The following MID1 variants were observed in gnomAD, a reference collection of about 807,000 sequenced individuals.
The protein encoded by MID1 is midline 1, also known as E3 ubiquitin-protein ligase Midline-1.
Under a neutral mutation model 40.4 loss-of-function variants are expected in MID1, and 7 were observed. That is an observed-to-expected ratio of 0.17 (90% confidence interval 0.10 to 0.33). MID1 has a LOEUF of 0.33. MID1 is among the 10% of genes least tolerant of loss of function. The pLI, the probability that MID1 is intolerant of heterozygous loss-of-function variation, is 1.00. For synonymous variants in MID1, 229 were observed against 221.2 expected, an observed-to-expected ratio of 1.04 and a Z score of -0.31; for missense variants, 367 against 558.5, an observed-to-expected ratio of 0.66 and a Z score of 3.46.
chrX:10,762,161 T>C (rs1265832775), intron 1 of MID1, among the ~76,000 whole-genome samples: 2 of 112,557 alleles, frequency 1.8e-5, no homozygotes, highest in African/African-American at 6.4e-5. Context: ...ATTATTTTTA[T>C]TCAGTACAAT....
intron 1 of MID1, among the ~76,000 whole-genome samples, chrX:10,770,604 G>C (rs1404975561): frequency 9.0e-6 from 1 of 111,420 alleles, no homozygotes; most frequent in Non-Finnish European, 1.9e-5. Context: ...ACTCATCACA[G>C]GCTAGTGTTT....
intron 1 of MID1, among the ~76,000 whole-genome samples, chrX:10,720,010 A>G (rs1385988588): frequency 8.9e-6 from 1 of 112,054 alleles, no homozygotes; most frequent in Non-Finnish European, 1.9e-5. Flanking sequence ...GAAAGCTGAA[A>G]CTGCATCCCT....
At chrX:10,516,435 C>A (rs1405715289) in intron 3 of MID1, among the ~76,000 whole-genome samples, 1 of 109,970 alleles carries the variant, frequency 9.1e-6, no homozygotes, top group East Asian at 2.9e-4. Context: ...ACCTCGTGAT[C>A]CACCCACCTG....
intron 1 of MID1, among the ~76,000 whole-genome samples, chrX:10,606,810 C>T (rs2147527166): frequency 8.9e-6 from 1 of 111,737 alleles, no homozygotes; most frequent in East Asian, 2.8e-4. Context: ...TAGCTCACTG[C>T]AGAACTGACC....
chrX:10,793,390 C>T (rs1049947113), intron 1 of MID1, among the ~76,000 whole-genome samples: 2 of 112,502 alleles, frequency 1.8e-5, no homozygotes, highest in African/African-American at 6.5e-5. Flanking sequence ...GTGGATGGTG[C>T]TTCTAGCAGG....
At chrX:10,676,777 G>C (rs868861197) in intron 1 of MID1, among the ~76,000 whole-genome samples, 7 of 111,485 alleles carry the variant, frequency 6.3e-5, no homozygotes, top group African/African-American at 2.3e-4. Context: ...ATTCATTCCT[G>C]CCAGGCGAAT....
chrX:10,469,296 T>C, intron 7 of MID1: 6 of 891,866 alleles, frequency 6.7e-6, no homozygotes, highest in Non-Finnish European at 8.3e-6. Context: ...TTGCCCAGGG[T>C]TTATAGTTTT....
At chrX:10,811,907 T>C (rs2044104965) in intron 1 of MID1, among the ~76,000 whole-genome samples, 1 of 112,310 alleles carries the variant, frequency 8.9e-6, no homozygotes, top group Non-Finnish European at 1.9e-5. Context: ...ACATCTTTCT[T>C]ATATTTTTTG....
intron 7 of MID1, among the ~76,000 whole-genome samples, chrX:10,466,984 C>T (rs1220109127): frequency 9.0e-6 from 1 of 111,185 alleles, no homozygotes; most frequent in Non-Finnish European, 1.9e-5. Context: ...GATATAATTC[C>T]CCGTGTGTGG....
intron 1 of MID1, among the ~76,000 whole-genome samples, chrX:10,723,690 T>C (rs948212320): frequency 3.6e-5 from 4 of 112,620 alleles, no homozygotes; most frequent in Non-Finnish European, 7.5e-5. Context: ...TAGCTGGGAC[T>C]ACAGGCGCCC....
intron 1 of MID1, among the ~76,000 whole-genome samples, chrX:10,680,629 T>C (rs899794437): frequency 3.6e-5 from 4 of 111,666 alleles, no homozygotes; most frequent in Non-Finnish European, 7.5e-5. Flanking sequence ...AGGTCATACA[T>C]ATTTGTGAAC....
intron 1 of MID1, among the ~76,000 whole-genome samples, chrX:10,756,185 G>A (rs2043631820): frequency 9.0e-6 from 1 of 111,562 alleles, no homozygotes; most frequent in African/African-American, 3.3e-5. Context: ...CTTATGACAG[G>A]GCATTTCTAT....
At chrX:10,596,409 T>C (rs971499639) in intron 1 of MID1, among the ~76,000 whole-genome samples, 2 of 112,319 alleles carry the variant, frequency 1.8e-5, no homozygotes, top group African/African-American at 3.2e-5. Flanking sequence ...AGCGAGTTCA[T>C]AGGAGAAATA....
intron 1 of MID1, among the ~76,000 whole-genome samples, chrX:10,815,949 C>A (rs1048732179): frequency 1.8e-5 from 2 of 111,538 alleles, no homozygotes; most frequent in Non-Finnish European, 3.8e-5. Context: ...TTAACCAGTG[C>A]TGCAGAGGGA....
intron 2 of MID1, among the ~76,000 whole-genome samples, chrX:10,526,864 G>A (rs771408157): frequency 1.8e-5 from 2 of 111,736 alleles, no homozygotes; most frequent in East Asian, 5.6e-4. Flanking sequence ...AGCTGGGAGA[G>A]AGACTTGTTT....
intron 1 of MID1, among the ~76,000 whole-genome samples, chrX:10,760,967 TC>T (rs1290388072): frequency 3.6e-5 from 4 of 112,010 alleles, no homozygotes; most frequent in African/African-American, 1.3e-4. Flanking sequence ...TTTAAACCAA[TC>T]CATACCTCCC....
At chrX:10,600,081 G>A (rs1935490162) in intron 1 of MID1, among the ~76,000 whole-genome samples, 1 of 112,032 alleles carries the variant, frequency 8.9e-6, no homozygotes, top group Non-Finnish European at 1.9e-5. Context: ...AATTCATCCT[G>A]AGTATCTACA....
At chrX:10,481,321 G>C (rs1930309656) in intron 5 of MID1, among the ~76,000 whole-genome samples, 1 of 112,427 alleles carries the variant, frequency 8.9e-6, no homozygotes, top group Non-Finnish European at 1.9e-5. Flanking sequence ...TTTGGATAAA[G>C]GGCAGTTGAC....
intron 2 of MID1, among the ~76,000 whole-genome samples, chrX:10,547,783 T>C (rs1361691163): frequency 9.0e-6 from 1 of 111,496 alleles, no homozygotes; most frequent in Non-Finnish European, 1.9e-5. Flanking sequence ...AAAGCAGTCA[T>C]TGCTGAACCC....
Sources: allele counts gnomAD v4.1 joint callset (sites outside exome capture counted in the v4.1 genomes callset), GRCh38; gene constraint gnomAD v4.1.1; transcripts MANE v1.5; gene names NCBI Gene and HGNC (gene_info 2026-07-23, HGNC 2026-07-21).